Variants in CPT1C observed in about 807,000 individuals in gnomAD.
The protein encoded by CPT1C is palmitoyl thioesterase CPT1C.
CPT1C carries 61 observed loss-of-function variants against 97.3 expected under a neutral mutation model. That is an observed-to-expected ratio of 0.63 (90% CI 0.51 to 0.78). The LOEUF (loss-of-function observed/expected upper bound fraction) is 0.78, where lower values mean the gene tolerates loss of function less well. Among genes scored for constraint, CPT1C ranks in the 30% least tolerant of loss-of-function variants. The pLI is 0.00. For missense variants in CPT1C, 975 were observed against 1,065.5 expected (o/e 0.92, Z 1.18); for synonymous variants, 469 against 447.2 (o/e 1.05, Z -0.61).
At position 49,705,658 on chromosome 19, in the gene CPT1C, C is replaced by G. The variant is rs144062837; in HGVS notation, c.965-251C>G. Among the ~76,000 whole-genome samples, 396 of 152,102 alleles carry G rather than the reference C, an allele frequency of 2.6e-3. 3 individuals are homozygous for G. Among genetic ancestry groups the G allele is most frequent in the Middle Eastern group, 6.8e-3 (2 of 294 alleles). On this transcript the variant is annotated intron_variant, in intron 10 of 19. Coordinates refer to ENST00000598293, the MANE Select transcript of CPT1C (RefSeq NM_001199753.2). The stretch of plus-strand genomic sequence containing the variant: ...ACCTGTGGCCCCAGTTAATCGGGAG[C>G]CTGAAGTGGAAGGATCACCTGAGCC...
chr19:49,702,642 A>AC (rs199643158), intron 7 of CPT1C, among the ~76,000 whole-genome samples: 18,559 of 151,356 alleles, frequency 0.12, 1,436 homozygotes, highest in Non-Finnish European at 0.17. Flanking sequence ...AGAAAAGAAA[A>AC]AAAAAAAGAC....
At chr19:49,710,929 G>A (rs2083833938) in intron 16 of CPT1C, 72 bp downstream of exon 16, 1 of 1,511,622 alleles carries the variant, frequency 6.6e-7, no homozygotes, top group Non-Finnish European at 9.0e-7. Context: ...ACGTTGATGG[G>A]ACCTACTGAA....
At chr19:49,700,263 A>G (rs749695495) in intron 4 of CPT1C, among the ~76,000 whole-genome samples, 1 of 39,960 alleles carries the variant, frequency 2.5e-5, no homozygotes, top group Non-Finnish European at 5.2e-5. Context: ...AAAACAAAAC[A>G]AAAAAAAAAA....
At position 49,706,366 on chromosome 19, in the gene CPT1C, G is replaced by A. The variant is rs371844232; in HGVS notation, c.1296G>A (p.Ser432=). Residue 432 remains serine, a synonymous_variant, in exon 12 of 20, where the codon TCG becomes TCA. Transcript: ENST00000598293. This position sits in a 1 kb window ranked among gnomAD's most constrained non-coding sequence, Gnocchi z 4.8. The part of the protein sequence containing the change: ...AGLTREDPAA[S]LDAYAHALLA... ...TCACCAGGGAGGACCCGGCAGCGTC[G>A]TTGGATGCCTACGCCCATGCTCTGC... 129 of 1,508,812 alleles carry A rather than the reference G, an allele frequency of 8.5e-5. No homozygotes were observed. The highest frequency in any genetic ancestry group is 1.1e-4 in the Non-Finnish European group (126 of 1,133,940). 93.5% of individuals were successfully genotyped at this position (1,508,812 alleles called of 1,614,324 possible).
At chr19:49,711,602 T>C in intron 16 of CPT1C, 2 of 597,114 alleles carry the variant, frequency 3.3e-6, no homozygotes, top group Non-Finnish European at 2.9e-6. Flanking sequence ...CAGACACACC[T>C]AGGAACCCGC....
Position 49,710,862 on chromosome 19 carries a change from G to T in CPT1C, c.1866+5G>T. 6.2e-7 allele frequency: 1 copy of T among 1,604,100 alleles called. No homozygotes were observed. Among genetic ancestry groups the T allele is most frequent in the South Asian group, 1.1e-5 (1 of 90,748 alleles). On this transcript the variant is annotated splice_donor_5th_base_variant and intron_variant, in intron 16 of 19. Coordinates refer to ENST00000598293, the MANE Select transcript of CPT1C (RefSeq NM_001199753.2). ...ATGGAGGACAAAGAGAAGACGGTGGGTGCAGCCCTCGCTTGAGGCTTCAGT... is the reference window on the plus strand; with the variant it reads ...ATGGAGGACAAAGAGAAGACGGTGGTTGCAGCCCTCGCTTGAGGCTTCAGT...
At chr19:49,708,338 A>C (rs189327343) in intron 13 of CPT1C, among the ~76,000 whole-genome samples, 3,286 of 151,980 alleles carry the variant, frequency 0.022, 71 homozygotes, top group Non-Finnish European at 0.033. Flanking sequence ...TTAAAAAAAA[A>C]CAAAAAAAAC....
At position 49,712,997 on chromosome 19, in the gene CPT1C, C is replaced by A. The variant is rs375049640; in HGVS notation, c.2159C>A (p.Ser720Tyr). Residue 720 changes from serine to tyrosine, a missense_variant, in exon 19 of 20, where the codon TCT (serine) becomes TAT (tyrosine). This residue lies in a region of CPT1C where 344 missense variants were observed against 395.7 expected (regional missense o/e 0.87). Coordinates refer to ENST00000598293, the MANE Select transcript of CPT1C (RefSeq NM_001199753.2). Reference sequence around the variant, plus strand: ...GCTGATGACCATGGTTATGGTGTTTCTTATATCTTCATGGGGGATGGCATG... The same window carrying A: ...GCTGATGACCATGGTTATGGTGTTTATTATATCTTCATGGGGGATGGCATG... Reference protein sequence around the residue: ...GPADDHGYGVSYIFMGDGMIT... With the variant: ...GPADDHGYGVYYIFMGDGMIT... The A allele has an allele frequency of 6.2e-6, 10 of 1,614,046 alleles. No homozygotes were observed. Among genetic ancestry groups the A allele is most frequent in the Non-Finnish European group, 8.5e-6 (10 of 1,179,990 alleles).
chr19:49,706,267 C>G lies in CPT1C; in HGVS notation c.1197C>G (p.Thr399=). The G allele has an allele frequency of 1.3e-6, 2 of 1,540,514 alleles. No homozygotes were observed. Among genetic ancestry groups the G allele is most frequent in the Non-Finnish European group, 1.7e-6 (2 of 1,146,456 alleles). Residue 399 remains threonine, a synonymous_variant, in exon 12 of 20, where the codon ACC becomes ACG. Coordinates refer to ENST00000598293, the MANE Select transcript of CPT1C (RefSeq NM_001199753.2). This position sits in a 1 kb window ranked among gnomAD's most constrained non-coding sequence, Gnocchi z 4.8. ...CCCAGGTGCGGACATCCCTGAAGACCCAGGCAGCGGAGGCCCTGGAGGCGG... is the reference window on the plus strand; with the variant it reads ...CCCAGGTGCGGACATCCCTGAAGACGCAGGCAGCGGAGGCCCTGGAGGCGG... ...TWAQVRTSLK[T]QAAEALEAVE...
chr19:49,697,529 C>G (rs1407512184), intron 4 of CPT1C, 64 bp downstream of exon 4: 4 of 1,565,802 alleles, frequency 2.6e-6, no homozygotes, highest in Non-Finnish European at 3.5e-6. Flanking sequence ...GTAAGTTCCT[C>G]TGTCATTGTG....
chr19:49,702,116 AT>A (rs869190168), intron 7 of CPT1C, among the ~76,000 whole-genome samples: 2 of 105,480 alleles, frequency 1.9e-5, no homozygotes, highest in Non-Finnish European at 4.2e-5. Context: ...ATATATATTT[AT>A]TTATTTATAA....
intron 17 of CPT1C, 106 bp downstream of exon 17, chr19:49,712,067 G>GC: frequency 7.3e-7 from 1 of 1,376,484 alleles, no homozygotes; most frequent in Non-Finnish European, 9.8e-7. Context: ...TCAAGGCCGG[G>GC]CACGGTGGCT....
At chr19:49,695,678 G>T (rs1414611345) in intron 3 of CPT1C, among the ~76,000 whole-genome samples, 1 of 149,462 alleles carries the variant, frequency 6.7e-6, no homozygotes, top group Non-Finnish European at 1.5e-5. Context: ...TCTGCCTCCT[G>T]GGTTCAAGTG....
Position 49,692,400 on chromosome 19 carries a change from A to G in CPT1C, c.141+7A>G. 1 of 1,613,912 alleles carries G rather than the reference A, an allele frequency of 6.2e-7. No homozygotes were observed. The highest frequency in any genetic ancestry group is 8.5e-7 in the Non-Finnish European group (1 of 1,179,934). ...GCATCTCTCACGTTTCTGGGTGAGG[A>G]GCGGTGCTGGTCGGTTTCCTTCCGG... On this transcript the variant is annotated splice_region_variant and intron_variant, in intron 3 of 19. Coordinates refer to ENST00000598293, the MANE Select transcript of CPT1C (RefSeq NM_001199753.2).
In CPT1C at chr19:49,700,679, C is replaced by G; in HGVS notation, c.282-5C>G. 1 of 1,606,690 alleles carries G rather than the reference C, an allele frequency of 6.2e-7. No individual in the cohort carries two copies. ...CAGGCCCAGCCTCTGTTTCTCTCCCCGCAGGGGTGGACAACACCACGGGCT... is the reference window on the plus strand; with the variant it reads ...CAGGCCCAGCCTCTGTTTCTCTCCCGGCAGGGGTGGACAACACCACGGGCT... On this transcript the variant is annotated splice_polypyrimidine_tract_variant and splice_region_variant and intron_variant, in intron 4 of 19. Coordinates refer to ENST00000598293, the MANE Select transcript of CPT1C (RefSeq NM_001199753.2).
chr19:49,690,691 T>C (rs984221074), upstream of CPT1C: 10 of 522,966 alleles, frequency 1.9e-5, no homozygotes, highest in Non-Finnish European at 3.2e-5. The surrounding 1 kb of genome is among the most constrained non-coding windows in gnomAD (Gnocchi z 4.4). Flanking sequence ...CTACCTTGAA[T>C]CCAACCCGCT....
Position 49,711,908 on chromosome 19 carries a change from G to C in CPT1C, c.1966G>C (p.Ala656Pro). ...SGQGVDRHLF[A>P]LYIVSRFLHL... The stretch of plus-strand genomic sequence containing the variant: ...GCAGGGAGTTGACCGCCACCTGTTT[G>C]CGCTGTACATCGTGTCCCGATTCCT... The change falls in exon 17 of 20, where the codon GCG becomes CCG. Residue 656 changes from alanine (A) to proline (P), a missense_variant. Physicochemically the swap from Ala to Pro is conservative, Grantham distance 27. This residue lies in a region of CPT1C where 344 missense variants were observed against 395.7 expected (regional missense o/e 0.87). Coordinates refer to ENST00000598293, the MANE Select transcript of CPT1C (RefSeq NM_001199753.2). 2.5e-6 allele frequency: 4 copies of C among 1,614,180 alleles called. No individual in the cohort carries two copies. Among genetic ancestry groups the C allele is most frequent in the Non-Finnish European group, 3.4e-6 (4 of 1,180,038 alleles).
chr19:49,701,600 A>T lies in CPT1C; in HGVS notation c.659A>T (p.Tyr220Phe). The change falls in exon 7 of 20, where the codon TAC becomes TTC. Residue 220 changes from tyrosine (Y) to phenylalanine (F), a missense_variant. Tyr to Phe is a conservative substitution (Grantham distance 22). Transcript: ENST00000598293. ...CTGCAGGCGTCGCTGCTGCAGTGGT[A>T]CCTGCGGCTCAAGTCCTGGTGGGCG... is the stretch of plus-strand genomic sequence containing the variant. ...LRLQASLLQW[Y>F]LRLKSWWASN... The T allele has an allele frequency of 6.2e-7, 1 of 1,609,542 alleles. No individual in the cohort carries two copies. The highest frequency in any genetic ancestry group is 8.5e-7 in the Non-Finnish European group (1 of 1,177,492).
intron 10 of CPT1C, 31 bp from the exon 11 acceptor site, chr19:49,705,878 G>C (rs368992270): frequency 6.3e-7 from 1 of 1,586,218 alleles, no homozygotes; most frequent in Middle Eastern, 1.7e-4. Context: ...TGGCCTTCCT[G>C]CCCCCATGCT....
Sources: allele counts gnomAD v4.1 joint callset (sites outside exome capture counted in the v4.1 genomes callset), GRCh38; gene constraint gnomAD v4.1.1; regional missense constraint gnomAD v4.1.1; non-coding constraint Gnocchi (gnomAD v3.1); transcripts MANE v1.5; gene names NCBI Gene and HGNC (gene_info 2026-07-23, HGNC 2026-07-21).